The following GRAMD1A variants were observed in gnomAD, a reference collection of about 807,000 sequenced individuals.
GRAMD1A encodes protein Aster-A.
A neutral mutation model predicts 92.0 loss-of-function variants in GRAMD1A; 50 were observed. That is an observed-to-expected ratio of 0.54 (90% CI 0.43 to 0.69). GRAMD1A has a LOEUF of 0.69. Among genes scored for constraint, GRAMD1A ranks in the 30% least tolerant of loss-of-function variants. GRAMD1A has a pLI of 0.00. For synonymous variants in GRAMD1A, 405 were observed against 403.6 expected (o/e 1.00, Z -0.04); for missense variants, 819 against 978.9 (o/e 0.84, Z 2.18).
intron 7 of GRAMD1A, among the ~76,000 whole-genome samples, 179 bp downstream of exon 7, chr19:35,011,733 G>T (rs1319909167): frequency 6.6e-6 from 1 of 152,202 alleles, no homozygotes; most frequent in Admixed American, 6.5e-5. Context: ...CTCTGGCAAA[G>T]GGACATGAAT....
rs866784674 is a variant in GRAMD1A at position 35,014,238 on chromosome 19, C to A, written c.920C>A (p.Ser307Tyr). 13 of 1,614,118 alleles carry A rather than the reference C, an allele frequency of 8.1e-6. No individual in the cohort carries two copies. In the Middle Eastern group the frequency reaches 1.0e-3, roughly 124 times the overall value. ...EQVDSQPDAS[S>Y]SQTVTPVAEP... ...GTAGACAGCCAGCCAGACGCCTCCT[C>A]CAGCCAGACAGTGACCCCGGTGGCT... Residue 307 changes from serine (S) to tyrosine (Y), a missense_variant, in exon 10 of 20, where the codon TCC (serine) becomes TAC (tyrosine). This residue lies in a region of GRAMD1A where 577 missense variants were observed against 674.6 expected (regional missense o/e 0.86). Coordinates refer to ENST00000317991, the MANE Select transcript of GRAMD1A (RefSeq NM_020895.5).
Position 35,010,311 on chromosome 19 carries a change from T to C in GRAMD1A, c.457T>C (p.Cys153Arg). 2 of 1,613,716 alleles carry C rather than the reference T, an allele frequency of 1.2e-6. No individual in the cohort carries two copies. Among genetic ancestry groups the C allele is most frequent in the South Asian group, 1.1e-5 (1 of 91,076 alleles). Residue 153 changes from cysteine to arginine, a missense_variant, in exon 6 of 20, where the codon TGT becomes CGT. By Grantham distance (180) the Cys-to-Arg change is radical (BLOSUM62 -3). Around this residue, in one of 3 missense-constraint regions of GRAMD1A, gnomAD observed 144 missense variants for 220.3 expected, o/e 0.65. Coordinates refer to ENST00000317991, the MANE Select transcript of GRAMD1A (RefSeq NM_020895.5). ...TISIQLKEVT[C>R]LKKEKTAKLI... is the part of the protein sequence containing the mutation. ...CTCCATCCAGCTGAAGGAAGTGACATGTCTGAAGAAGGAAAAGACGGCCAA... is the reference window on the plus strand; with the variant it reads ...CTCCATCCAGCTGAAGGAAGTGACACGTCTGAAGAAGGAAAAGACGGCCAA...
In GRAMD1A at chr19:35,019,429, G is replaced by A; in HGVS notation, c.1371G>A (p.Val457=). The A allele has an allele frequency of 6.2e-7, 1 of 1,613,876 alleles. No homozygotes were observed. The highest frequency in any genetic ancestry group is 8.5e-7 in the Non-Finnish European group (1 of 1,179,914). The change falls in exon 13 of 20, where the codon GTG becomes GTA. Residue 457 remains valine, a synonymous_variant. Coordinates refer to ENST00000317991, the MANE Select transcript of GRAMD1A (RefSeq NM_020895.5). ...FRRGPQAGGC[V]VDSEVLTQGI... Reference sequence around the variant, plus strand: ...GCGGCCCCCAGGCCGGCGGGTGTGTGGTGGACTCCGAGGTGCTGACGCAGG... The same window carrying A: ...GCGGCCCCCAGGCCGGCGGGTGTGTAGTGGACTCCGAGGTGCTGACGCAGG...
Position 35,019,512 on chromosome 19 carries a change from C to T in GRAMD1A, c.1454C>T (p.Ala485Val). The T allele has an allele frequency of 6.2e-7, 1 of 1,614,010 alleles. No individual in the cohort carries two copies. Among genetic ancestry groups the T allele is most frequent in the Non-Finnish European group, 8.5e-7 (1 of 1,179,944 alleles). ...CACCGCTACTGCATCCTGGGTCTGG[C>T]CCGGAACAAGGCGCGGCTCCGGTGA... ...TAHRYCILGL[A>V]RNKARLRVSS... is the part of the protein sequence containing the mutation. The change falls in exon 13 of 20, where the codon GCC (alanine) becomes GTC (valine). Residue 485 changes from alanine to valine, a missense_variant. Ala to Val is a moderately conservative substitution (Grantham distance 64). This residue lies in a region of GRAMD1A where 577 missense variants were observed against 674.6 expected (regional missense o/e 0.86). Transcript: ENST00000317991.
chr19:34,995,159 CCTCT>C (rs2013975805), intron 1 of GRAMD1A, among the ~76,000 whole-genome samples: 1 of 152,236 alleles, frequency 6.6e-6, no homozygotes, highest in Non-Finnish European at 1.5e-5. Context: ...CCCGATTCGG[CCTCT>C]CTGTCTGTCC....
At chr19:35,010,251 C>T (rs1230363309) in intron 5 of GRAMD1A, 33 bp from the exon 6 acceptor site, 13 of 1,588,260 alleles carry the variant, frequency 8.2e-6, no homozygotes, top group Admixed American at 3.3e-5. Flanking sequence ...CCAGGCCCCA[C>T]CCCGCTCCTA....
chr19:35,013,616 G>A lies in GRAMD1A; in HGVS notation c.795G>A (p.Glu265=). The change falls in exon 9 of 20, where the codon GAG becomes GAA. Residue 265 remains glutamate (E), a synonymous_variant. Transcript: ENST00000317991. The surrounding 1 kb of genome is among the most constrained non-coding windows in gnomAD (Gnocchi z 4.9). The part of the protein sequence containing the change: ...TSSGAADRSQ[E]PSPVGSRRGH... ...CGGGGGCAGCTGACCGCAGCCAGGA[G>A]CCAAGCCCAGTGGGTTCGCGCCGTG... 1 of 1,613,736 alleles carries A rather than the reference G, an allele frequency of 6.2e-7. No homozygotes were observed.
upstream of GRAMD1A, among the ~76,000 whole-genome samples, chr19:34,997,819 C>A (rs2014103749): frequency 6.6e-6 from 1 of 152,118 alleles, no homozygotes; most frequent in African/African-American, 2.4e-5. Flanking sequence ...GTAATCCCAG[C>A]ACTTTGGGAG....
chr19:35,005,089 G>A (rs2151703810), intron 1 of GRAMD1A, among the ~76,000 whole-genome samples: 1 of 152,102 alleles, frequency 6.6e-6, no homozygotes, highest in Admixed American at 6.5e-5. Context: ...TTCTATGGGG[G>A]GCGGGGAAGG....
chr19:34,995,731 G>A (rs1215007477), upstream of GRAMD1A, among the ~76,000 whole-genome samples: 1 of 151,956 alleles, frequency 6.6e-6, no homozygotes, highest in Non-Finnish European at 1.5e-5. Flanking sequence ...CTATAGGGAC[G>A]TGCCACCATG....
At chr19:34,995,580 T>TGTTTTTTTG (rs2013998812), upstream of GRAMD1A, among the ~76,000 whole-genome samples, 1 of 122,026 alleles carries the variant, frequency 8.2e-6, no homozygotes, top group African/African-American at 3.8e-5. Context: ...GGTTTTTTTT[T>TGTTTTTTTG]TTTTTTTTTT....
chr19:35,010,216 G>GT, intron 5 of GRAMD1A, 21 bp downstream of exon 5: 1 of 1,599,696 alleles, frequency 6.3e-7, no homozygotes, highest in Non-Finnish European at 8.6e-7. Context: ...AGCGGGGCAG[G>GT]GTACAGGGGC....
intron 11 of GRAMD1A, among the ~76,000 whole-genome samples, chr19:35,018,029 C>A (rs1451558588): frequency 6.6e-6 from 1 of 151,712 alleles, no homozygotes; most frequent in Non-Finnish European, 1.5e-5. Context: ...TTGCTGTCGC[C>A]CCAGCTGGAA....
At chr19:35,020,094 T>G (rs751408577) in intron 13 of GRAMD1A, among the ~76,000 whole-genome samples, 1 of 151,982 alleles carries the variant, frequency 6.6e-6, no homozygotes, top group Non-Finnish European at 1.5e-5. Context: ...GAGCTGAGAT[T>G]AAAGTGGTGA....
chr19:35,013,204 C>T lies in GRAMD1A; in HGVS notation c.607-52C>T, dbSNP rs1312978292. On this transcript the variant is annotated intron_variant, in intron 7 of 19. Transcript: ENST00000317991. The surrounding 1 kb of genome is among the most constrained non-coding windows in gnomAD (Gnocchi z 4.9). ...AGGGCTGGTGGGGAATCTGGCGGGC[C>T]GGGCTCTGGCTGGGGTGAGATGGAG... 6 of 971,624 alleles carry T rather than the reference C, an allele frequency of 6.2e-6. No individual in the cohort carries two copies. The highest frequency in any genetic ancestry group is 5.3e-5 in the East Asian group (2 of 37,750). 60.2% of individuals were successfully genotyped at this position (971,624 alleles called of 1,614,324 possible).
rs778907638 is a variant in GRAMD1A, at chr19:35,010,249, C to A, written c.430-35C>A. Reference sequence around the variant, plus strand: ...GGCGGGGGCCCCCATGGCCAGGCCCCACCCCGCTCCTATTGACCCTCCTGC... The same window carrying A: ...GGCGGGGGCCCCCATGGCCAGGCCCAACCCCGCTCCTATTGACCCTCCTGC... On this transcript the variant is annotated intron_variant, in intron 5 of 19. Coordinates refer to ENST00000317991, the MANE Select transcript of GRAMD1A (RefSeq NM_020895.5). The A allele has an allele frequency of 5.7e-6, 9 of 1,587,940 alleles. No homozygotes were observed. The Admixed American group carries it at 1.5e-4, about 26-fold the overall frequency.
At chr19:34,996,229 C>T (rs778712859), upstream of GRAMD1A, 4 of 1,535,776 alleles carry the variant, frequency 2.6e-6, no homozygotes, top group Middle Eastern at 1.7e-4. Context: ...CCGCCTGCAC[C>T]CCAACCCCCC....
At position 35,010,302 on chromosome 19, in the gene GRAMD1A, G is replaced by A. The variant is rs974543130; in HGVS notation, c.448G>A (p.Glu150Lys). 20 of 1,613,486 alleles carry A rather than the reference G, an allele frequency of 1.2e-5. No individual in the cohort carries two copies. The highest frequency in any genetic ancestry group is 1.7e-5 in the Non-Finnish European group (20 of 1,179,336). The change falls in exon 6 of 20, where the codon GAA becomes AAA. Residue 150 changes from glutamate (E) to lysine (K), a missense_variant. Transcript: ENST00000317991. ...TCCTCAGATCTCCATCCAGCTGAAG[G>A]AAGTGACATGTCTGAAGAAGGAAAA... Reference protein sequence around the residue: ...WETTISIQLKEVTCLKKEKTA... With the variant: ...WETTISIQLKKVTCLKKEKTA...
chr19:35,019,206 C>T lies in GRAMD1A; in HGVS notation c.1229C>T (p.Pro410Leu), dbSNP rs1229219054. ...QCKFTDVTLS[P>L]WSGDSKCHQR... ...CCTCCTCTAGACGTGACGCTGAGCC[C>T]CTGGAGTGGGGACAGCAAGTGCCAC... Residue 410 changes from proline (P) to leucine (L), a missense_variant, in exon 12 of 20, where the codon CCC becomes CTC. Transcript: ENST00000317991. The T allele has an allele frequency of 6.2e-7, 1 of 1,611,262 alleles. No homozygotes were observed. The highest frequency in any genetic ancestry group is 1.3e-5 in the African/African-American group (1 of 74,808).
Sources: gnomAD v4.1 joint callset for allele counts (sites outside exome capture counted in the v4.1 genomes callset) on GRCh38, gnomAD v4.1.1 for gene constraint, gnomAD v4.1.1 regional missense constraint, Gnocchi (gnomAD v3.1) non-coding constraint, MANE v1.5 for transcripts, NCBI Gene and HGNC (gene_info 2026-07-23, HGNC 2026-07-21) for gene names.